WDR87: variants seen among roughly 807,000 people sequenced by gnomAD.
WDR87 encodes WD repeat-containing protein 87.
WDR87 carries 56 observed loss-of-function variants against 83.3 expected under a neutral mutation model. The ratio of observed to expected loss-of-function variants is 0.67; its 90% CI spans 0.54 to 0.84. The LOEUF (loss-of-function observed/expected upper bound fraction) is 0.84. WDR87 is among the 40% of genes least tolerant of loss of function. WDR87 has a pLI of 0.00. For synonymous variants in WDR87, 1,173 were observed against 1,250.6 expected, an observed-to-expected ratio of 0.94 and a Z score of 1.31; for missense variants, 2,939 against 3,431.9, an observed-to-expected ratio of 0.86 and a Z score of 3.59.
chr19:37,892,988 G>A lies in WDR87; in HGVS notation c.2715C>T (p.Asn905=), dbSNP rs1180645566. The part of the protein sequence containing the change: ...VTYSVLTDGA[N]RSWLGRKMSE... ...TCATCTTTCTTCCCAGCCAACTTCG[G>A]TTTGCTCCATCTGTAAGGACACTGT... The change falls in exon 4 of 6, where the codon AAC becomes AAT. Residue 905 remains asparagine, a synonymous_variant. Coordinates refer to ENST00000447313, the MANE Select transcript of WDR87 (RefSeq NM_001291088.2). 6.4e-7 allele frequency: 1 copy of A among 1,551,838 alleles called. No individual in the cohort carries two copies. The highest frequency in any genetic ancestry group is 2.0e-5 in the Admixed American group (1 of 50,996).
At chr19:37,904,098 T>C (rs1231118568) in intron 1 of WDR87, among the ~76,000 whole-genome samples, 2 of 151,896 alleles carry the variant, frequency 1.3e-5, no homozygotes, top group African/African-American at 4.8e-5. Flanking sequence ...GAGACGGGGT[T>C]TCACCATGTT....
chr19:37,898,967 C>T (rs556155017), intron 1 of WDR87, among the ~76,000 whole-genome samples: 2 of 152,274 alleles, frequency 1.3e-5, no homozygotes, highest in East Asian at 3.9e-4. Context: ...CCACCCCAGA[C>T]CTACTCAATT....
chr19:37,885,541 T>G lies in WDR87; in HGVS notation c.8130A>C (p.Arg2710Ser). Reference protein sequence around the residue: ...MEMQYFYPATRDIFPSAHASV... With the variant: ...MEMQYFYPATSDIFPSAHASV... ...AGGCATGGGCACTTGGAAAAATGTC[T>G]CTGGTGGCAGGATAAAAGTATTGCA... The change falls in exon 6 of 6, where the codon AGA becomes AGC. Residue 2710 changes from arginine to serine, a missense_variant. Physicochemically the swap from Arg to Ser is moderately radical, Grantham distance 110 (BLOSUM62 -1). Around this residue, in one of 3 missense-constraint regions of WDR87, gnomAD observed 2,160 missense variants for 2,533.1 expected, o/e 0.85. Transcript: ENST00000447313. The G allele has an allele frequency of 1.3e-6, 2 of 1,551,734 alleles. No individual in the cohort carries two copies. The highest frequency in any genetic ancestry group is 1.7e-6 in the Non-Finnish European group (2 of 1,147,002).
Position 37,896,182 on chromosome 19 carries a change from A to C in WDR87, c.202T>G (p.Phe68Val), listed in dbSNP as rs777581879. ...VCYYFSDAHF[F>V]ASLSWVTSNT... The stretch of plus-strand genomic sequence containing the variant: ...GATGTCACCCAAGAGAGGGAGGCGA[A>C]GAAGTGGGCATCACTGAAGTAATAG... Residue 68 changes from phenylalanine (F) to valine (V), a missense_variant, in exon 3 of 6, where the codon TTC becomes GTC. Physicochemically the swap from Phe to Val is conservative, Grantham distance 50 (BLOSUM62 -1). Transcript: ENST00000447313. 5.2e-6 allele frequency: 8 copies of C among 1,552,252 alleles called. No individual in the cohort carries two copies. Among genetic ancestry groups the C allele is most frequent in the Non-Finnish European group, 6.1e-6 (7 of 1,147,130 alleles).
Position 37,885,421 on chromosome 19 carries a change from C to T in WDR87, c.8250G>A (p.Lys2750=), listed in dbSNP as rs1226921251. The stretch of plus-strand genomic sequence containing the variant: ...TTTTTTTAGAAATGGGCTGTGTCTT[C>T]TTCTCTAACTTGGGCAGTTTAGGAA... The part of the protein sequence containing the change: ...RRFPKLPKLE[K]KTQPISKKKE... The change falls in exon 6 of 6, where the codon AAG becomes AAA. Residue 2750 remains lysine, a synonymous_variant. Transcript: ENST00000447313. 1.3e-6 allele frequency: 2 copies of T among 1,551,814 alleles called. No individual in the cohort carries two copies. The highest frequency in any genetic ancestry group is 1.7e-6 in the Non-Finnish European group (2 of 1,147,042).
intron 3 of WDR87, 66 bp from the exon 4 acceptor site, chr19:37,895,522 C>G (rs1599768163): frequency 7.0e-7 from 1 of 1,436,754 alleles, no homozygotes; most frequent in Non-Finnish European, 9.3e-7. Context: ...AATCCCAGCA[C>G]TTTGGGAGGC....
Position 37,895,208 on chromosome 19 carries a change from C to T in WDR87, c.495G>A (p.Leu165=). ...LCYDPEMKML[L]SGILGAVVTW... is the part of the protein sequence containing the mutation. ...TCACCACTGCCCCCAGGATGCCAGA[C>T]AGAAGCATCTTCATTTCCGGGTCAT... Residue 165 remains leucine (L), a synonymous_variant, in exon 4 of 6, where the codon CTG becomes CTA. Transcript: ENST00000447313. 2 of 1,551,732 alleles carry T rather than the reference C, an allele frequency of 1.3e-6. No homozygotes were observed. The highest frequency in any genetic ancestry group is 1.7e-6 in the Non-Finnish European group (2 of 1,147,002).
Position 37,885,730 on chromosome 19 carries a change from C to T in WDR87, c.7941G>A (p.Lys2647=). The change falls in exon 6 of 6, where the codon AAG becomes AAA. Residue 2647 remains lysine (K), a synonymous_variant. Coordinates refer to ENST00000447313, the MANE Select transcript of WDR87 (RefSeq NM_001291088.2). ...AAGGTTTTGGCCAGCTCTCCTTTTC[C>T]TTTGCTTTTATAGGAGGAATCACTT... The part of the protein sequence containing the change: ...YLKVIPPIKA[K]EKESWPKPLA... 1 of 1,551,718 alleles carries T rather than the reference C, an allele frequency of 6.4e-7. No individual in the cohort carries two copies. The highest frequency in any genetic ancestry group is 8.7e-7 in the Non-Finnish European group (1 of 1,147,004).
chr19:37,903,821 C>T (rs541206554), intron 1 of WDR87, among the ~76,000 whole-genome samples: 3 of 152,296 alleles, frequency 2.0e-5, no homozygotes, highest in African/African-American at 7.2e-5. Context: ...GTGTCAGCCA[C>T]CACACCCAGC....
rs1440203404 is a variant in WDR87 at position 37,888,322 on chromosome 19, C to T, written c.5349G>A (p.Glu1783=). ...ELNQEEGKLV[E]EKKKLAEEEE... is the part of the protein sequence containing the mutation. The stretch of plus-strand genomic sequence containing the variant: ...CTTCCTCAGCCAGTTTCTTCTTTTC[C>T]TCAACCAGTTTCCCCTCTTCCTGAT... The change falls in exon 6 of 6, where the codon GAG becomes GAA. Residue 1783 remains glutamate, a synonymous_variant. Transcript: ENST00000447313. 6.4e-7 allele frequency: 1 copy of T among 1,551,322 alleles called. No individual in the cohort carries two copies. Among genetic ancestry groups the T allele is most frequent in the African/African-American group, 1.4e-5 (1 of 72,894 alleles).
rs1227808520 is a variant in WDR87 at position 37,893,741 on chromosome 19, A to T, written c.1962T>A (p.Phe654Leu). ...CAAGCAGGTCACCCCGGTCATTTGC[A>T]AAACAGACTGGGCCAAAGTGCAGTG... ...DSSLHFGPVC[F>L]ANDRGDLLVT... The change falls in exon 4 of 6, where the codon TTT becomes TTA. Residue 654 changes from phenylalanine to leucine, a missense_variant. This residue lies in a region of WDR87 where 553 missense variants were observed against 577.9 expected (regional missense o/e 0.96). Coordinates refer to ENST00000447313, the MANE Select transcript of WDR87 (RefSeq NM_001291088.2). 1.3e-6 allele frequency: 2 copies of T among 1,551,508 alleles called. No homozygotes were observed. Among genetic ancestry groups the T allele is most frequent in the Non-Finnish European group, 1.7e-6 (2 of 1,147,040 alleles).
At chr19:37,900,220 TAACTC>T (rs1351383921) in intron 1 of WDR87, among the ~76,000 whole-genome samples, 1 of 152,062 alleles carries the variant, frequency 6.6e-6, no homozygotes, top group Non-Finnish European at 1.5e-5. Flanking sequence ...AGAGGAACAT[TAACTC>T]AAAGAGGAAA....
In WDR87 at chr19:37,888,927, C is replaced by A. The variant is rs1384823939; in HGVS notation, c.4744G>T (p.Glu1582Ter). ...GACACTTCTTCCTCCAAAGTCACTTCTTCCTCATCCTTGTACTGTTGCTCC... is the reference window on the plus strand; with the variant it reads ...GACACTTCTTCCTCCAAAGTCACTTATTCCTCATCCTTGTACTGTTGCTCC... ...SKEQQYKDEE[E>*]VTLEEEVSRE... The change falls in exon 6 of 6, where the codon GAA becomes TAA. Residue 1582 changes from glutamate to a stop codon, truncating the protein, a stop_gained. Coordinates refer to ENST00000447313, the MANE Select transcript of WDR87 (RefSeq NM_001291088.2). LOFTEE classifies it low-confidence loss of function (END_TRUNC). The A allele has an allele frequency of 4.5e-6, 7 of 1,552,224 alleles. No homozygotes were observed. The South Asian group carries it at 5.9e-5, about 13-fold the overall frequency.
chr19:37,889,071 T>G lies in WDR87; in HGVS notation c.4600A>C (p.Lys1534Gln). ...WEKRLLQEEEKLHQAGEKLSP... is the reference protein window; with the variant it reads ...WEKRLLQEEEQLHQAGEKLSP... ...AGCTTCTCTCCAGCCTGATGTAGTT[T>G]CTCCTCTTCCTGAAGAAGCCTCTTC... Residue 1534 changes from lysine (K) to glutamine (Q), a missense_variant, in exon 6 of 6, where the codon AAA (lysine) becomes CAA (glutamine). Physicochemically the swap from Lys to Gln is moderately conservative, Grantham distance 53 (BLOSUM62 1). This residue lies in a region of WDR87 where 2,160 missense variants were observed against 2,533.1 expected (regional missense o/e 0.85). Coordinates refer to ENST00000447313, the MANE Select transcript of WDR87 (RefSeq NM_001291088.2). The G allele has an allele frequency of 6.4e-7, 1 of 1,552,082 alleles. No individual in the cohort carries two copies.
chr19:37,898,483 G>A (rs1166596863), intron 1 of WDR87, among the ~76,000 whole-genome samples, 198 bp from the exon 2 acceptor site: 1 of 152,162 alleles, frequency 6.6e-6, no homozygotes, highest in Non-Finnish European at 1.5e-5. Context: ...TGAGAAAACT[G>A]AGGCTTGGAG....
chr19:37,899,506 A>G (rs779920096), intron 1 of WDR87, among the ~76,000 whole-genome samples: 4 of 151,852 alleles, frequency 2.6e-5, no homozygotes, highest in African/African-American at 7.3e-5. Flanking sequence ...TGGTACCATC[A>G]TAGCTCACTG....
chr19:37,901,170 C>T (rs1171203865), intron 1 of WDR87, among the ~76,000 whole-genome samples: 3 of 150,364 alleles, frequency 2.0e-5, no homozygotes, highest in African/African-American at 7.3e-5. Context: ...CGGTGGCTCA[C>T]GCCTGTAATC....
Position 37,888,100 on chromosome 19 carries a change from T to C in WDR87, c.5571A>G (p.Arg1857=), listed in dbSNP as rs1465731079. The C allele has an allele frequency of 5.8e-6, 9 of 1,552,016 alleles. No homozygotes were observed. The highest frequency in any genetic ancestry group is 7.8e-6 in the Non-Finnish European group (9 of 1,147,064). ...KKMKLAQKRE[R]WINSMEELTK... is the part of the protein sequence containing the mutation. The stretch of plus-strand genomic sequence containing the variant: ...TGAGTTCTTCCATGCTGTTGATCCA[T>C]CTTTCCCTTTTTTGGGCCAGTTTCA... Residue 1857 remains arginine, a synonymous_variant, in exon 6 of 6, where the codon AGA becomes AGG. Coordinates refer to ENST00000447313, the MANE Select transcript of WDR87 (RefSeq NM_001291088.2).
chr19:37,888,977 T>TC lies in WDR87; in HGVS notation c.4693dup (p.Glu1565GlyfsTer7). 1 of 1,552,102 alleles carries TC rather than the reference T, an allele frequency of 6.4e-7. No individual in the cohort carries two copies. Among genetic ancestry groups the TC allele is most frequent in the Non-Finnish European group, 8.7e-7 (1 of 1,147,108 alleles). On this transcript the variant is annotated frameshift_variant, in exon 6 of 6. Transcript: ENST00000447313. LOFTEE classifies it low-confidence loss of function (END_TRUNC). ...CTTGGACTTAGATGATAACATATTT[T>TC]CCCAGACTTGTTTCCACTCCTCCCA...
Sources: gnomAD v4.1 joint callset for allele counts (sites outside exome capture counted in the v4.1 genomes callset) on GRCh38, gnomAD v4.1.1 for gene constraint, gnomAD v4.1.1 regional missense constraint, MANE v1.5 for transcripts, NCBI Gene and HGNC (gene_info 2026-07-23, HGNC 2026-07-21) for gene names.